GM2A: variants seen among roughly 807,000 people sequenced by gnomAD.
The protein encoded by GM2A is GM2 ganglioside activator.
In GM2A, 7 loss-of-function variants were observed where a neutral mutation model predicts 12.9. That is an observed-to-expected ratio of 0.54 (90% CI 0.31 to 1.02). The LOEUF (loss-of-function observed/expected upper bound fraction) is 1.02. Among genes scored for constraint, GM2A ranks in the 50% least tolerant of loss-of-function variants. The pLI is 0.05. For missense variants in GM2A, 246 were observed against 241.0 expected (o/e 1.02, Z -0.14); for synonymous variants, 101 against 96.0 (o/e 1.05, Z -0.30).
At chr5:151,266,641 GC>G (rs1753891655) in intron 2 of GM2A, 89 bp from the exon 3 acceptor site, 1 of 940,774 alleles carries the variant, frequency 1.1e-6, no homozygotes, top group African/African-American at 1.6e-5. Flanking sequence ...ATATATTGCT[GC>G]TTTTTTGAAG....
At chr5:151,260,948 A>C (rs1198530584) in intron 2 of GM2A, among the ~76,000 whole-genome samples, 3 of 152,056 alleles carry the variant, frequency 2.0e-5, no homozygotes, top group Non-Finnish European at 4.4e-5. Context: ...GCCTCATACT[A>C]TATGTCCATA....
In GM2A at chr5:151,267,351, G is replaced by A. The variant is rs1371425467; in HGVS notation, c.482G>A (p.Ser161Asn). 1.2e-6 allele frequency: 2 copies of A among 1,614,010 alleles called. No homozygotes were observed. Among genetic ancestry groups the A allele is most frequent in the Non-Finnish European group, 8.5e-7 (1 of 1,180,022 alleles). The change falls in exon 4 of 4, where the codon AGT becomes AAT. Residue 161 changes from serine (S) to asparagine (N), a missense_variant. By Grantham distance (46) the Ser-to-Asn change is conservative. Coordinates refer to ENST00000357164, the MANE Select transcript of GM2A (RefSeq NM_000405.5). ...GTTGTGCCTGACCTGGAGCTGCCCA[G>A]TTGGCTCACCACCGGGAACTACCGC... is the stretch of plus-strand genomic sequence containing the variant. ...EFVVPDLELP[S>N]WLTTGNYRIE...
Position 151,259,944 on chromosome 5 carries a change from G to A in GM2A, c.243+28G>A, listed in dbSNP as rs752936822. 4.4e-6 allele frequency: 7 copies of A among 1,600,284 alleles called. No homozygotes were observed. The African/African-American group carries it at 9.4e-5, about 21-fold the overall frequency. On this transcript the variant is annotated intron_variant, in intron 2 of 3. Coordinates refer to ENST00000357164, the MANE Select transcript of GM2A (RefSeq NM_000405.5). ...GAGCCTGGGGGTGGGTGGAGAAGGGGAGGTGCGAGGGTCTGGCCAGCAGGG... is the reference window on the plus strand; with the variant it reads ...GAGCCTGGGGGTGGGTGGAGAAGGGAAGGTGCGAGGGTCTGGCCAGCAGGG...
At chr5:151,263,085 A>G (rs1424946193) in intron 2 of GM2A, among the ~76,000 whole-genome samples, 4 of 135,432 alleles carry the variant, frequency 3.0e-5, no homozygotes, top group Non-Finnish European at 3.2e-5. Flanking sequence ...TTTTTCCCCA[A>G]TTTCTTTTTT....
chr5:151,263,096 T>C (rs961541225), intron 2 of GM2A, among the ~76,000 whole-genome samples: 4 of 149,436 alleles, frequency 2.7e-5, no homozygotes, highest in Middle Eastern at 3.4e-3. Flanking sequence ...TTTCTTTTTT[T>C]TTTTTTTTTT....
intron 1 of GM2A, among the ~76,000 whole-genome samples, chr5:151,257,051 C>T (rs1034438566): frequency 6.6e-6 from 1 of 152,164 alleles, no homozygotes; most frequent in African/African-American, 2.4e-5. Context: ...GGTTAACTTA[C>T]CCATGGTCTT....
At chr5:151,265,301 C>T (rs997972234) in intron 2 of GM2A, among the ~76,000 whole-genome samples, 3 of 152,170 alleles carry the variant, frequency 2.0e-5, no homozygotes, top group Non-Finnish European at 2.9e-5. Flanking sequence ...GCTAATATCT[C>T]GACATCTGGG....
chr5:151,260,899 G>A (rs1465288075), intron 2 of GM2A, among the ~76,000 whole-genome samples: 1 of 152,092 alleles, frequency 6.6e-6, no homozygotes, highest in East Asian at 1.9e-4. Flanking sequence ...ATACTCATGG[G>A]ATTATATGAT....
intron 2 of GM2A, among the ~76,000 whole-genome samples, chr5:151,260,487 A>G (rs1753775476): frequency 6.6e-6 from 1 of 152,066 alleles, no homozygotes; most frequent in Non-Finnish European, 1.5e-5. Context: ...GCGTGGTGGC[A>G]TGTGCCTGTA....
At chr5:151,254,875 G>A (rs973321663) in intron 1 of GM2A, among the ~76,000 whole-genome samples, 1 of 152,156 alleles carries the variant, frequency 6.6e-6, no homozygotes, top group Non-Finnish European at 1.5e-5. Context: ...ACTTAGGCAC[G>A]ATTGTAAAGT....
At position 151,267,519 on chromosome 5, in the gene GM2A, C is replaced by G. The variant is rs1002761153; in HGVS notation, c.*68C>G. ...CCCTTTTCCTCTGTTTTGTGTTTGCCAAGGCCAAACTCCCACTCTCTGCCC... is the reference window on the plus strand; with the variant it reads ...CCCTTTTCCTCTGTTTTGTGTTTGCGAAGGCCAAACTCCCACTCTCTGCCC... On this transcript the variant is annotated 3_prime_UTR_variant, in exon 4 of 4. Coordinates refer to ENST00000357164, the MANE Select transcript of GM2A (RefSeq NM_000405.5). The G allele has an allele frequency of 6.2e-7, 1 of 1,607,284 alleles. No individual in the cohort carries two copies. Among genetic ancestry groups the G allele is most frequent in the Non-Finnish European group, 8.5e-7 (1 of 1,177,274 alleles).
At chr5:151,255,078 G>C (rs1183998884) in intron 1 of GM2A, among the ~76,000 whole-genome samples, 1 of 152,314 alleles carries the variant, frequency 6.6e-6, no homozygotes, top group East Asian at 1.9e-4. Context: ...GAGGTGGACA[G>C]ATTGCTTGAG....
rs2127243443 is a variant in GM2A at position 151,269,465 on chromosome 5, A to G, written c.*2014A>G. ...TTGCTATTTTGCTTTCCATCACATC[A>G]TGACTGCGGAGAGCAAAAATCACCT... On this transcript the variant is annotated 3_prime_UTR_variant, in exon 4 of 4. Transcript: ENST00000357164. The G allele has an allele frequency of 1.0e-6, 1 of 984,770 alleles. No individual in the cohort carries two copies. Among genetic ancestry groups the G allele is most frequent in the Non-Finnish European group, 1.2e-6 (1 of 829,422 alleles). The allele number at this position is 984,770 out of a possible 1,614,324, so 61.0% of individuals were successfully genotyped here.
In GM2A at chr5:151,257,667, A is replaced by C. The variant is rs536757727; in HGVS notation, c.82-2088A>C. On this transcript the variant is annotated intron_variant, in intron 1 of 3. Coordinates refer to ENST00000357164, the MANE Select transcript of GM2A (RefSeq NM_000405.5). Reference sequence around the variant, plus strand: ...CCGATTATAGCTTGTGGGGTCCTGCATTAAATGACCCTGCTACCCCTCCAA... The same window carrying C: ...CCGATTATAGCTTGTGGGGTCCTGCCTTAAATGACCCTGCTACCCCTCCAA... Among the ~76,000 whole-genome samples, 4 of 152,290 alleles carry C rather than the reference A, an allele frequency of 2.6e-5. No homozygotes were observed. In the South Asian group the frequency reaches 8.3e-4, roughly 32 times the overall value.
At chr5:151,253,356 C>A in intron 1 of GM2A, 59 bp downstream of exon 1, 1 of 1,290,652 alleles carries the variant, frequency 7.7e-7, no homozygotes, top group Non-Finnish European at 1.1e-6. Context: ...TACGGGTGTG[C>A]GGGTCTGGCT....
At position 151,267,943 on chromosome 5, in the gene GM2A, G is replaced by A. The variant is rs1321342500; in HGVS notation, c.*492G>A. 3 of 1,116,406 alleles carry A rather than the reference G, an allele frequency of 2.7e-6. No individual in the cohort carries two copies. Among genetic ancestry groups the A allele is most frequent in the East Asian group, 1.4e-4 (2 of 14,394 alleles). The allele number at this position is 1,116,406 out of a possible 1,614,324, so 69.2% of individuals were successfully genotyped here. On this transcript the variant is annotated 3_prime_UTR_variant, in exon 4 of 4. Transcript: ENST00000357164. ...AGTCTATTCCTCCCTTAACTTCTGTGACTAATTTTTATTTCCTTTCTAGAT... is the reference window on the plus strand; with the variant it reads ...AGTCTATTCCTCCCTTAACTTCTGTAACTAATTTTTATTTCCTTTCTAGAT...
At chr5:151,256,732 A>G (rs1390414620) in intron 1 of GM2A, among the ~76,000 whole-genome samples, 1 of 152,132 alleles carries the variant, frequency 6.6e-6, no homozygotes, top group African/African-American at 2.4e-5. Context: ...ACATTAGTAC[A>G]TTACTGTTAA....
At position 151,267,476 on chromosome 5, in the gene GM2A, G is replaced by A; in HGVS notation, c.*25G>A. ...ACATGGCATCTGCCACAGCAGAATG[G>A]AGCGGTGTGAGGAAGGTCCCTTTTC... is the stretch of plus-strand genomic sequence containing the variant. On this transcript the variant is annotated 3_prime_UTR_variant, in exon 4 of 4. Coordinates refer to ENST00000357164, the MANE Select transcript of GM2A (RefSeq NM_000405.5). 1 of 1,614,096 alleles carries A rather than the reference G, an allele frequency of 6.2e-7. No individual in the cohort carries two copies. The highest frequency in any genetic ancestry group is 1.1e-5 in the South Asian group (1 of 91,066).
At chr5:151,255,811 T>C (rs1196165235) in intron 1 of GM2A, among the ~76,000 whole-genome samples, 1 of 152,204 alleles carries the variant, frequency 6.6e-6, no homozygotes, top group African/African-American at 2.4e-5. Flanking sequence ...TTCTCTTGGC[T>C]CCAGGGCTGG....
Sources: allele counts gnomAD v4.1 joint callset (sites outside exome capture counted in the v4.1 genomes callset), GRCh38; gene constraint gnomAD v4.1.1; transcripts MANE v1.5; gene names NCBI Gene and HGNC (gene_info 2026-07-23, HGNC 2026-07-21).